Variants in CACNA1B observed in about 807,000 individuals in gnomAD.
The protein encoded by CACNA1B is voltage-dependent N-type calcium channel subunit alpha-1B.
A neutral mutation model predicts 247.2 loss-of-function variants in CACNA1B; 70 were observed. The ratio of observed to expected loss-of-function variants is 0.28; its 90% confidence interval spans 0.23 to 0.35. The LOEUF (loss-of-function observed/expected upper bound fraction) is 0.35. CACNA1B is among the 10% of genes least tolerant of loss of function. CACNA1B has a pLI of 1.00. For synonymous variants in CACNA1B, 1,231 were observed against 1,294.4 expected, an observed-to-expected ratio of 0.95 and a Z score of 1.05; for missense variants, 2,367 against 3,197.4, an observed-to-expected ratio of 0.74 and a Z score of 6.26.
chr9:138,057,834 G>T lies in CACNA1B; in HGVS notation c.4071G>T (p.Thr1357=). ...HYDNVLWALL[T]LFTVSTGEGW... is the part of the protein sequence containing the mutation. Reference sequence around the variant, plus strand: ...ACAATGTGCTCTGGGCTCTGCTGACGCTGTTCACAGTGTCCACGGGAGAAG... The same window carrying T: ...ACAATGTGCTCTGGGCTCTGCTGACTCTGTTCACAGTGTCCACGGGAGAAG... The change falls in exon 27 of 47, where the codon ACG becomes ACT. Residue 1357 remains threonine, a synonymous_variant. Coordinates refer to ENST00000371372, the MANE Select transcript of CACNA1B (RefSeq NM_000718.4). This position sits in a 1 kb window ranked among gnomAD's most constrained non-coding sequence, Gnocchi z 4.0. 6.2e-7 allele frequency: 1 copy of T among 1,609,522 alleles called. No individual in the cohort carries two copies. Among genetic ancestry groups the T allele is most frequent in the Non-Finnish European group, 8.5e-7 (1 of 1,176,430 alleles).
intron 11 of CACNA1B, among the ~76,000 whole-genome samples, chr9:137,972,432 G>A (rs767051682): frequency 5.3e-5 from 8 of 151,922 alleles, no homozygotes; most frequent in Admixed American, 6.5e-5. Context: ...CCCCTTGAGG[G>A]CCCTGTTTGC....
chr9:138,104,109 A>G lies in CACNA1B; in HGVS notation c.5319+1302A>G, dbSNP rs140285914. ...CCAAGGTTCTGGGCATGGAGAGACC[A>G]AGGGAGGCCTCAGGGTGGGGGCAGA... On this transcript the variant is annotated intron_variant, in intron 38 of 46. Coordinates refer to ENST00000371372, the MANE Select transcript of CACNA1B (RefSeq NM_000718.4). Among the ~76,000 whole-genome samples, 463 of 152,314 alleles carry G rather than the reference A, an allele frequency of 3.0e-3. 7 individuals carry two copies. Among genetic ancestry groups the G allele is most frequent in the Middle Eastern group, 0.014 (4 of 294 alleles).
chr9:138,060,597 G>T (rs778198363), intron 31 of CACNA1B, among the ~76,000 whole-genome samples: 7 of 152,230 alleles, frequency 4.6e-5, no homozygotes, highest in Non-Finnish European at 7.3e-5. Context: ...GCATTAGGCT[G>T]AGGGCTGCAC....
intron 10 of CACNA1B, among the ~76,000 whole-genome samples, chr9:137,964,920 C>T (rs1173267994): frequency 6.6e-6 from 1 of 152,148 alleles, no homozygotes; most frequent in Non-Finnish European, 1.5e-5. Context: ...TGTTTGCTTT[C>T]CTTTTAGCAG....
chr9:137,951,076 A>G lies in CACNA1B; in HGVS notation c.967-1198A>G, dbSNP rs113710000. Among the ~76,000 whole-genome samples, 1,499 of 152,302 alleles carry G rather than the reference A, an allele frequency of 9.8e-3. 8 individuals are homozygous for G. The highest frequency in any genetic ancestry group is 0.014 in the East Asian group (70 of 5,178). The stretch of plus-strand genomic sequence containing the variant: ...ATCTCCTTTTTCTCAAGAAGGGAGG[A>G]CAGGTTTGAGGGTGTGCTTGTGGGA... On this transcript the variant is annotated intron_variant, in intron 6 of 46. Transcript: ENST00000371372.
rs960004459 is a variant in CACNA1B, at chr9:138,072,277, G to A, written c.4675-1211G>A. Among the ~76,000 whole-genome samples the A allele has an allele frequency of 1.2e-4, 18 of 152,198 alleles. No homozygotes were observed. The highest frequency in any genetic ancestry group is 4.3e-4 in the African/African-American group (18 of 41,452). On this transcript the variant is annotated intron_variant, in intron 32 of 46. Coordinates refer to ENST00000371372, the MANE Select transcript of CACNA1B (RefSeq NM_000718.4). The surrounding 1 kb of genome is among the most constrained non-coding windows in gnomAD (Gnocchi z 4.5). ...CTCAGCCACCCTGCCCCTGCCAGTG[G>A]AAGTGGCAGACCTAGGCAGAGGTGT... is the stretch of plus-strand genomic sequence containing the variant.
intron 38 of CACNA1B, among the ~76,000 whole-genome samples, chr9:138,103,655 C>T (rs1281263675): frequency 6.6e-6 from 1 of 152,210 alleles, no homozygotes; most frequent in African/African-American, 2.4e-5. Context: ...CCCCAGCACC[C>T]ACCCACCTAC....
chr9:137,884,726 G>A (rs548908734), intron 3 of CACNA1B, among the ~76,000 whole-genome samples: 4 of 152,034 alleles, frequency 2.6e-5, no homozygotes, highest in South Asian at 2.1e-4. Flanking sequence ...GGCAGCACCC[G>A]GCCTCATGGG....
intron 11 of CACNA1B, 34 bp from the exon 12 acceptor site, chr9:137,975,873 C>T (rs779209144): frequency 1.0e-5 from 14 of 1,349,022 alleles, no homozygotes; most frequent in South Asian, 8.4e-5. Flanking sequence ...GAGGAGGCCT[C>T]GAGCTAATCC....
chr9:137,970,302 T>G (rs1391136449), intron 10 of CACNA1B, among the ~76,000 whole-genome samples: 1 of 152,116 alleles, frequency 6.6e-6, no homozygotes, highest in Non-Finnish European at 1.5e-5. Flanking sequence ...GGCACCCACA[T>G]GGCCAGGCTT....
intron 3 of CACNA1B, chr9:137,890,196 A>T (rs1226669360): frequency 1.3e-5 from 2 of 150,288 alleles, no homozygotes; most frequent in Admixed American, 1.3e-4. Flanking sequence ...CCAGCGTTGC[A>T]GACGTCTGGG....
chr9:138,098,450 CTG>C (rs1961132520), intron 37 of CACNA1B, among the ~76,000 whole-genome samples: 1 of 152,154 alleles, frequency 6.6e-6, no homozygotes, highest in Non-Finnish European at 1.5e-5. Flanking sequence ...CTGGAGGAGA[CTG>C]TGTTGCAGAA....
At chr9:138,053,580 T>A in intron 25 of CACNA1B, among the ~76,000 whole-genome samples, 1 of 144,252 alleles carries the variant, frequency 6.9e-6, no homozygotes, top group Middle Eastern at 3.5e-3. Flanking sequence ...ATGGCTCCAC[T>A]CCTCCCCTCA....
rs528075326 is a variant in CACNA1B, at chr9:138,045,572, A to G, written c.3414-1332A>G. Among the ~76,000 whole-genome samples, 413 of 152,292 alleles carry G rather than the reference A, an allele frequency of 2.7e-3. 1 individual carries two copies. Among genetic ancestry groups the G allele is most frequent in the Non-Finnish European group, 4.6e-3 (312 of 68,022 alleles). ...GACAGTGGCGGAAGGCACTGCGTTC[A>G]CTGAGACCAGCAGTGCTGCTGGGGT... On this transcript the variant is annotated intron_variant, in intron 21 of 46. Transcript: ENST00000371372.
chr9:137,961,987 G>A (rs1958026324), intron 10 of CACNA1B, among the ~76,000 whole-genome samples: 1 of 152,112 alleles, frequency 6.6e-6, no homozygotes, highest in Non-Finnish European at 1.5e-5. Context: ...TGGGAGAATT[G>A]AGCTGTGAGT....
chr9:137,971,448 A>G lies in CACNA1B; in HGVS notation c.1399A>G (p.Lys467Glu). Reference protein sequence around the residue: ...KTESSSYFRRKEKMFRFFIRR... With the variant: ...KTESSSYFRREEKMFRFFIRR... ...AGAGAGCTCGTCATACTTCCGGAGG[A>G]AGGAGAAGATGTTCCGGTTTTTTAT... Residue 467 changes from lysine (K) to glutamate (E), a missense_variant, in exon 11 of 47, where the codon AAG becomes GAG. Physicochemically the swap from Lys to Glu is moderately conservative, Grantham distance 56. Transcript: ENST00000371372. This position sits in a 1 kb window ranked among gnomAD's most constrained non-coding sequence, Gnocchi z 4.4. The G allele has an allele frequency of 6.2e-7, 1 of 1,613,608 alleles. No homozygotes were observed.
At chr9:138,074,686 G>A (rs997993436) in intron 34 of CACNA1B, among the ~76,000 whole-genome samples, 6 of 152,262 alleles carry the variant, frequency 3.9e-5, no homozygotes, top group Non-Finnish European at 8.8e-5. Context: ...ATGCACCGTG[G>A]TGTTCTTGAG....
intron 18 of CACNA1B, 30 bp from the exon 19 acceptor site, chr9:138,022,981 G>A (rs576216242): frequency 1.4e-6 from 2 of 1,464,424 alleles, no homozygotes; most frequent in East Asian, 2.7e-5. Flanking sequence ...GCGGCAGACG[G>A]GGCCGCGCTC....
chr9:138,084,972 A>G (rs1960647700), intron 36 of CACNA1B, among the ~76,000 whole-genome samples: 1 of 150,238 alleles, frequency 6.7e-6, no homozygotes, highest in South Asian at 2.1e-4. Context: ...AAAAAAAAGC[A>G]AGGAAATCTG....
Sources: allele counts gnomAD v4.1 joint callset (sites outside exome capture counted in the v4.1 genomes callset), GRCh38; gene constraint gnomAD v4.1.1; non-coding constraint Gnocchi (gnomAD v3.1); transcripts MANE v1.5; gene names NCBI Gene and HGNC (gene_info 2026-07-23, HGNC 2026-07-21).